The following TTI1 variants were observed in gnomAD, a reference collection of about 807,000 sequenced individuals.
TTI1 encodes TELO2 interacting protein 1, also known as TELO2-interacting protein 1 homolog.
A neutral mutation model predicts 85.4 loss-of-function variants in TTI1; 52 were observed. The ratio of observed to expected loss-of-function variants is 0.61; its 90% CI spans 0.49 to 0.77. The LOEUF is 0.77. TTI1 is among the 30% of genes least tolerant of loss of function. The pLI is 0.00. For synonymous variants in TTI1, 512 were observed against 503.9 expected, an observed-to-expected ratio of 1.02 and a Z score of -0.22; for missense variants, 1,173 against 1,296.0, an observed-to-expected ratio of 0.91 and a Z score of 1.46.
At chr20:37,983,844 AAC>A (rs1484098402) in intron 7 of TTI1, among the ~76,000 whole-genome samples, 3 of 152,266 alleles carry the variant, frequency 2.0e-5, no homozygotes, top group Non-Finnish European at 2.9e-5. Flanking sequence ...AAATACAGGT[AAC>A]AGTTTCATAT....
intron 3 of TTI1, among the ~76,000 whole-genome samples, chr20:38,005,505 C>T (rs867560914): frequency 6.6e-6 from 1 of 152,154 alleles, no homozygotes; most frequent in Non-Finnish European, 1.5e-5. Flanking sequence ...GGAAAAAAAA[C>T]CTGTTAGGAA....
At chr20:38,019,563 C>G (rs1227252642) in intron 1 of TTI1, among the ~76,000 whole-genome samples, 1 of 150,966 alleles carries the variant, frequency 6.6e-6, no homozygotes, top group Non-Finnish European at 1.5e-5. Flanking sequence ...AGCTACCTAA[C>G]AAGATTACAG....
At chr20:37,985,529 A>AT (rs751721782) in intron 7 of TTI1, among the ~76,000 whole-genome samples, 2,899 of 140,400 alleles carry the variant, frequency 0.021, 78 homozygotes, top group African/African-American at 0.067. Context: ...AGGGCACTGA[A>AT]TTTTTTTTTT....
intron 7 of TTI1, 48 bp downstream of exon 7, chr20:37,996,327 G>A (rs2073337392): frequency 6.3e-7 from 1 of 1,598,518 alleles, no homozygotes; most frequent in Non-Finnish European, 8.6e-7. Context: ...CAAATCATCT[G>A]TAATTTAGAA....
In TTI1 at chr20:38,020,310, GA is replaced by G. The variant is rs772839935; in HGVS notation, c.-41-6454del. Among the ~76,000 whole-genome samples the G allele has an allele frequency of 2.0e-3, 98 of 48,268 alleles. 1 individual carries two copies. The highest frequency in any genetic ancestry group is 4.9e-3 in the East Asian group (8 of 1,626). 31.7% of individuals were successfully genotyped at this position (48,268 alleles called of 152,430 possible). On this transcript the variant is annotated intron_variant, in intron 1 of 7. Coordinates refer to ENST00000373447, the MANE Select transcript of TTI1 (RefSeq NM_001303457.2). Reference sequence around the variant, plus strand: ...TGCTATGTCACTTGGCTACTCATATGAAAAAAAAAAAAAATATATATATATA... The same window carrying G: ...TGCTATGTCACTTGGCTACTCATATGAAAAAAAAAAAAATATATATATATA...
At chr20:38,000,530 C>T (rs189149988) in intron 4 of TTI1, 701 of 154,990 alleles carry the variant, frequency 4.5e-3, no homozygotes, top group Non-Finnish European at 7.5e-3. Context: ...CTTCACAGGG[C>T]GAGGCACTCG....
chr20:37,989,674 C>CA (rs2073236622), intron 7 of TTI1, among the ~76,000 whole-genome samples: 1 of 152,226 alleles, frequency 6.6e-6, no homozygotes, highest in Non-Finnish European at 1.5e-5. Flanking sequence ...ACCTTTCCCC[C>CA]AGCTGGCTGC....
chr20:38,028,595 A>G (rs2073864909), intron 1 of TTI1, among the ~76,000 whole-genome samples: 1 of 152,252 alleles, frequency 6.6e-6, no homozygotes, highest in South Asian at 2.1e-4. Flanking sequence ...AATGGATAGG[A>G]TAACTAGACC....
chr20:38,026,338 T>G (rs1676721480), intron 1 of TTI1, among the ~76,000 whole-genome samples: 1 of 152,112 alleles, frequency 6.6e-6, no homozygotes, highest in Non-Finnish European at 1.5e-5. Flanking sequence ...TTTTGTAGTT[T>G]TAGTAGAGGT....
chr20:38,013,604 G>A lies in TTI1; in HGVS notation c.213C>T (p.Ile71=), dbSNP rs763987263. The change falls in exon 2 of 8, where the codon ATC becomes ATT. Residue 71 remains isoleucine, a synonymous_variant. Coordinates refer to ENST00000373447, the MANE Select transcript of TTI1 (RefSeq NM_001303457.2). ...ATGTGAGGCATTCCACCACACTTTG[G>A]ATCAAACGCTCTCTTTTGGGACCTG... ...KTPGPKRERL[I]QSVVECLTFV... 2 of 1,614,178 alleles carry A rather than the reference G, an allele frequency of 1.2e-6. No individual in the cohort carries two copies. Among genetic ancestry groups the A allele is most frequent in the Non-Finnish European group, 1.7e-6 (2 of 1,180,024 alleles).
intron 4 of TTI1, among the ~76,000 whole-genome samples, chr20:37,999,854 GGTTT>G (rs1348552296): frequency 6.6e-6 from 1 of 152,190 alleles, no homozygotes; most frequent in Non-Finnish European, 1.5e-5. Flanking sequence ...ACTACAAAGG[GGTTT>G]GTTAGGAATT....
At position 38,000,053 on chromosome 20, in the gene TTI1, C is replaced by T. The variant is rs761528296; in HGVS notation, c.2653-725G>A. Among the ~76,000 whole-genome samples the T allele has an allele frequency of 6.6e-5, 10 of 152,122 alleles. No individual in the cohort carries two copies. The East Asian group carries it at 7.7e-4, about 12-fold the overall frequency. On this transcript the variant is annotated intron_variant, in intron 4 of 7. Coordinates refer to ENST00000373447, the MANE Select transcript of TTI1 (RefSeq NM_001303457.2). ...TGAGAGGAGCAAAGTGATGTGGCCG[C>T]GTGATGGCGGCAGAGGAGAGAAGTG...
At chr20:38,030,559 A>ACC (rs1218328569) in intron 1 of TTI1, among the ~76,000 whole-genome samples, 1 of 151,888 alleles carries the variant, frequency 6.6e-6, no homozygotes, top group Non-Finnish European at 1.5e-5. Context: ...ACACACACAC[A>ACC]CACCATGATA....
intron 2 of TTI1, among the ~76,000 whole-genome samples, chr20:38,009,308 G>A (rs1317260985): frequency 2.2e-4 from 34 of 152,150 alleles, no homozygotes; most frequent in Non-Finnish European, 1.5e-5. Context: ...ACTCCCCAGT[G>A]ACTAGCCCAC....
At chr20:38,002,262 G>C (rs1434384415) in intron 4 of TTI1, among the ~76,000 whole-genome samples, 1 of 152,208 alleles carries the variant, frequency 6.6e-6, no homozygotes, top group African/African-American at 2.4e-5. Flanking sequence ...TGAAAACAGA[G>C]AGATAAGGGC....
chr20:38,005,993 T>C (rs1014863533), intron 3 of TTI1: 1 of 576,994 alleles, frequency 1.7e-6, no homozygotes, highest in Non-Finnish European at 3.0e-6. Flanking sequence ...ACAAAAAGGG[T>C]ACACAGCTGC....
chr20:38,025,525 T>C (rs2073825485), intron 1 of TTI1, among the ~76,000 whole-genome samples: 1 of 150,472 alleles, frequency 6.6e-6, no homozygotes, highest in Non-Finnish European at 1.5e-5. Flanking sequence ...GCAGAGATTG[T>C]GGCATGGCAC....
chr20:38,016,810 T>C (rs1383351818), intron 1 of TTI1, among the ~76,000 whole-genome samples: 2 of 152,234 alleles, frequency 1.3e-5, no homozygotes, highest in Admixed American at 6.5e-5. Context: ...AAAAATCTGA[T>C]CGCAATTCTC....
At chr20:37,990,139 C>T (rs907491680) in intron 7 of TTI1, among the ~76,000 whole-genome samples, 1 of 152,192 alleles carries the variant, frequency 6.6e-6, no homozygotes, top group African/African-American at 2.4e-5. Context: ...ACTGTATTGT[C>T]TATATTAACC....
Sources: allele counts gnomAD v4.1 joint callset (sites outside exome capture counted in the v4.1 genomes callset), GRCh38; gene constraint gnomAD v4.1.1; transcripts MANE v1.5; gene names NCBI Gene and HGNC (gene_info 2026-07-23, HGNC 2026-07-21).